Variants in DOCK11 observed in about 807,000 individuals in gnomAD.
DOCK11 encodes the protein dedicator of cytokinesis protein 11.
In DOCK11, 70 loss-of-function variants were observed where a neutral mutation model predicts 169.1. The observed-to-expected ratio is 0.41, with a 90% CI of 0.34 to 0.51. DOCK11 has a LOEUF of 0.51. DOCK11 is among the 20% of genes least tolerant of loss of function. The pLI, the probability that DOCK11 is intolerant of heterozygous loss-of-function variation, is 0.10. For synonymous variants in DOCK11, 529 were observed against 541.3 expected (o/e 0.98, Z 0.32); for missense variants, 1,166 against 1,538.8 (o/e 0.76, Z 4.05).
At chrX:118,543,080 T>C (rs1243109526) in intron 3 of DOCK11, 65 bp downstream of exon 3, 6 of 834,248 alleles carry the variant, frequency 7.2e-6, no homozygotes, top group Non-Finnish European at 1.0e-5. Flanking sequence ...AGTATTTATA[T>C]GTCTTTATGT....
chrX:118,605,721 T>G (rs967148660), intron 24 of DOCK11, among the ~76,000 whole-genome samples: 1 of 111,892 alleles, frequency 8.9e-6, no homozygotes, highest in African/African-American at 3.3e-5. Context: ...CTATTCTATG[T>G]GCTCATGAAA....
At chrX:118,518,562 G>T (rs2057703886) in intron 1 of DOCK11, among the ~76,000 whole-genome samples, 1 of 111,847 alleles carries the variant, frequency 8.9e-6, no homozygotes, top group African/African-American at 3.2e-5. Context: ...ATGGTTTGTT[G>T]TATTTAAACT....
At chrX:118,608,039 A>G in intron 24 of DOCK11, 33 bp from the exon 25 acceptor site, 1 of 1,129,628 alleles carries the variant, frequency 8.9e-7, no homozygotes, top group Non-Finnish European at 1.2e-6. Context: ...TCATTATAGC[A>G]TGACATGCTG....
chrX:118,582,775 A>G (rs1425394472), intron 14 of DOCK11, among the ~76,000 whole-genome samples: 1 of 111,575 alleles, frequency 9.0e-6, no homozygotes, highest in Non-Finnish European at 1.9e-5. Context: ...AAAAGTCAGG[A>G]AACAACAGAC....
chrX:118,671,678 GA>G (rs1036795321), intron 46 of DOCK11, among the ~76,000 whole-genome samples: 18 of 108,162 alleles, frequency 1.7e-4, no homozygotes, highest in African/African-American at 2.7e-4. Flanking sequence ...CAGTGGTTCT[GA>G]AAAAAAAAAT....
At chrX:118,549,457 T>C (rs1027356972) in intron 6 of DOCK11, among the ~76,000 whole-genome samples, 10 of 111,685 alleles carry the variant, frequency 9.0e-5, no homozygotes, top group African/African-American at 3.3e-4. Flanking sequence ...TTCTTTCTTT[T>C]TAAAATCTCT....
chrX:118,551,644 G>A (rs1017864192), intron 6 of DOCK11, among the ~76,000 whole-genome samples: 3 of 110,958 alleles, frequency 2.7e-5, no homozygotes, highest in African/African-American at 6.6e-5. Flanking sequence ...GCTACAGTGA[G>A]CTGTGATTGC....
At chrX:118,618,898 C>G (rs1304716424) in intron 31 of DOCK11, among the ~76,000 whole-genome samples, 170 bp downstream of exon 31, 1 of 109,929 alleles carries the variant, frequency 9.1e-6, no homozygotes, top group African/African-American at 3.3e-5. Flanking sequence ...CACTCTGCCA[C>G]CCAGGCTGGA....
In DOCK11 at chrX:118,647,738, ATATAATATATAATAATATATAATATAT is replaced by A. The variant is rs1569440573; in HGVS notation, c.4399-1158_4399-1132del. 7.5e-4 allele frequency among the ~76,000 whole-genome samples: 37 copies of A among 49,427 alleles called. No homozygotes were observed. The East Asian group carries it at 0.019, about 25-fold the overall frequency. The allele number at this position is 49,427 out of a possible 115,157, so 42.9% of individuals were successfully genotyped here. On this transcript the variant is annotated intron_variant, in intron 40 of 52. Coordinates refer to ENST00000276202, the MANE Select transcript of DOCK11 (RefSeq NM_144658.4). ...AATATATAATAATTAATATAATATAATATAATATATAATAATATATAATATATTATAATATATAATAATATATAATAT... is the reference window on the plus strand; with the variant it reads ...AATATATAATAATTAATATAATATAATATAATATATAATAATATATAATAT...
At chrX:118,538,698 G>A in intron 1 of DOCK11, 3 of 749,067 alleles carry the variant, frequency 4.0e-6, no homozygotes, top group Non-Finnish European at 4.7e-6. Flanking sequence ...AATGTTTAAG[G>A]TACCATTTAT....
chrX:118,607,390 C>T (rs2014553091), intron 24 of DOCK11, among the ~76,000 whole-genome samples: 1 of 96,118 alleles, frequency 1.0e-5, no homozygotes, highest in African/African-American at 3.8e-5. Context: ...GCTGGGATTA[C>T]AAGCATGAGC....
At position 118,617,374 on chromosome X, in the gene DOCK11, C is replaced by T. The variant is rs1326341270; in HGVS notation, c.3293-1176C>T. 2.7e-5 allele frequency among the ~76,000 whole-genome samples: 3 copies of T among 109,714 alleles called. No individual in the cohort carries two copies. In the East Asian group the frequency reaches 8.7e-4, roughly 32 times the overall value. ...GGGCATGGTGGCACATGCCTGTAAT[C>T]CCAACTACTCAGGAGGCTGAGGCAG... On this transcript the variant is annotated intron_variant, in intron 30 of 52. Coordinates refer to ENST00000276202, the MANE Select transcript of DOCK11 (RefSeq NM_144658.4).
In DOCK11 at chrX:118,512,673, T is replaced by C. The variant is rs78374681; in HGVS notation, c.102+16600T>C. 2.2e-4 allele frequency among the ~76,000 whole-genome samples: 25 copies of C among 111,935 alleles called. No individual in the cohort carries two copies. The East Asian group carries it at 6.5e-3, about 29-fold the overall frequency. ...GAGACACATGACCATCAGACACCCA[T>C]AGGGGCCAGATTTCTGTTGGGAGCC... On this transcript the variant is annotated intron_variant, in intron 1 of 52. Coordinates refer to ENST00000276202, the MANE Select transcript of DOCK11 (RefSeq NM_144658.4).
chrX:118,572,334 T>C lies in DOCK11; in HGVS notation c.1047T>C (p.Phe349=), dbSNP rs372919821. ...TATCTCTTTTATAGAGGTTGGACTT[T>C]TCAGGAATTGAACCTGATATAAAGC... The part of the protein sequence containing the change: ...SFDSEVQRLD[F]SGIEPDIKPF... Residue 349 remains phenylalanine (F), a synonymous_variant, in exon 11 of 53, where the codon TTT becomes TTC. Transcript: ENST00000276202. The C allele has an allele frequency of 2.5e-6, 3 of 1,190,926 alleles. No homozygotes were observed. Among genetic ancestry groups the C allele is most frequent in the East Asian group, 3.0e-5 (1 of 33,539 alleles).
chrX:118,555,320 C>T (rs1265987038), intron 6 of DOCK11, among the ~76,000 whole-genome samples: 1 of 110,842 alleles, frequency 9.0e-6, no homozygotes, highest in East Asian at 2.8e-4. Flanking sequence ...TTTGGGAGGC[C>T]AAGCCAGAAG....
At chrX:118,516,004 A>T (rs868258760) in intron 1 of DOCK11, among the ~76,000 whole-genome samples, 1 of 44,942 alleles carries the variant, frequency 2.2e-5, no homozygotes, top group Non-Finnish European at 3.5e-5. Context: ...GATTTGGGCA[A>T]ATATATATAT....
chrX:118,597,673 C>A, intron 21 of DOCK11, 121 bp downstream of exon 21: 2 of 799,254 alleles, frequency 2.5e-6, no homozygotes, highest in South Asian at 3.0e-5. Context: ...TGGTGCGGGT[C>A]CACAACAAAG....
chrX:118,539,646 T>C (rs765553939), intron 1 of DOCK11, among the ~76,000 whole-genome samples: 1 of 111,764 alleles, frequency 8.9e-6, no homozygotes, highest in East Asian at 2.8e-4. Context: ...CTTAATTTCA[T>C]CATTCTACAT....
At chrX:118,662,914 G>A in intron 45 of DOCK11, 122 bp downstream of exon 45, 1 of 478,224 alleles carries the variant, frequency 2.1e-6, no homozygotes, top group South Asian at 3.4e-5. Context: ...TGAACTTTAA[G>A]TATTAAAACT....
Sources: allele counts gnomAD v4.1 joint callset (sites outside exome capture counted in the v4.1 genomes callset), GRCh38; gene constraint gnomAD v4.1.1; transcripts MANE v1.5; gene names NCBI Gene and HGNC (gene_info 2026-07-23, HGNC 2026-07-21).